SLCO1C1: variants seen among roughly 807,000 people sequenced by gnomAD.
SLCO1C1 encodes the protein solute carrier organic anion transporter family member 1C1.
Under a neutral mutation model 76.4 loss-of-function variants are expected in SLCO1C1, and 70 were observed. That is an observed-to-expected ratio of 0.92 (90% CI 0.76 to 1.12). SLCO1C1 has a LOEUF of 1.12. Ranked by LOEUF, SLCO1C1 falls within the 50% of genes most tolerant of loss-of-function variation. The pLI, the probability that SLCO1C1 is intolerant of heterozygous loss-of-function variation, is 0.00. For synonymous variants in SLCO1C1, 306 were observed against 286.1 expected (o/e 1.07, Z -0.70); for missense variants, 912 against 823.8 (o/e 1.11, Z -1.31).
rs267603411 is a variant in SLCO1C1, at chr12:20,732,924, C to T, written c.1202C>T (p.Pro401Leu). The T allele has an allele frequency of 6.2e-7, 1 of 1,613,888 alleles. No individual in the cohort carries two copies. Among genetic ancestry groups the T allele is most frequent in the Non-Finnish European group, 8.5e-7 (1 of 1,179,908 alleles). Residue 401 changes from proline to leucine, a missense_variant, in exon 10 of 15, where the codon CCA becomes CTA. Coordinates refer to ENST00000266509, the MANE Select transcript of SLCO1C1 (RefSeq NM_017435.5). Reference sequence around the variant, plus strand: ...TGTTTCTCAGGGCTCATCAACATTCCAGCAGTGGCCCTTGGAATATTCTCT... The same window carrying T: ...TGTTTCTCAGGGCTCATCAACATTCTAGCAGTGGCCCTTGGAATATTCTCT... The part of the protein sequence containing the change: ...ANFVIGLINI[P>L]AVALGIFSGG...
chr12:20,725,918 G>A (rs1359192507), intron 9 of SLCO1C1, among the ~76,000 whole-genome samples: 5 of 151,964 alleles, frequency 3.3e-5, no homozygotes, highest in Non-Finnish European at 7.4e-5. Context: ...TTTCTGACAT[G>A]TCATATCTAC....
rs751002830 is a variant in SLCO1C1, at chr12:20,721,885, T to G, written c.857T>G (p.Leu286Arg). ...TATCTAATAGCAGGAATCATAAGTC[T>G]TCTTGCAGCTGTGCCTTTCTGGTAT... is the stretch of plus-strand genomic sequence containing the variant. ...LGYLIAGIIS[L>R]LAAVPFWYLP... Residue 286 changes from leucine (L) to arginine (R), a missense_variant, in exon 8 of 15, where the codon CTT (leucine) becomes CGT (arginine). Coordinates refer to ENST00000266509, the MANE Select transcript of SLCO1C1 (RefSeq NM_017435.5). 1 of 1,614,170 alleles carries G rather than the reference T, an allele frequency of 6.2e-7. No individual in the cohort carries two copies. The highest frequency in any genetic ancestry group is 1.1e-5 in the South Asian group (1 of 91,078).
intron 4 of SLCO1C1, 30 bp from the exon 5 acceptor site, chr12:20,711,356 T>C: frequency 6.2e-7 from 1 of 1,604,996 alleles, no homozygotes; most frequent in Non-Finnish European, 8.5e-7. Context: ...TTAATGAGTC[T>C]ATCATGAAGA....
At chr12:20,740,445 T>G (rs1206399576) in intron 12 of SLCO1C1, 77 bp downstream of exon 12, 2 of 1,333,946 alleles carry the variant, frequency 1.5e-6, no homozygotes, top group African/African-American at 3.0e-5. Flanking sequence ...TTTTTTTCTG[T>G]GGAGTCTATG....
At chr12:20,748,745 C>G (rs1368633881) in intron 13 of SLCO1C1, among the ~76,000 whole-genome samples, 2 of 151,674 alleles carry the variant, frequency 1.3e-5, no homozygotes, top group African/African-American at 4.8e-5. Flanking sequence ...GTAAAATATC[C>G]CAACTATTGG....
Position 20,743,377 on chromosome 12 carries a change from T to C in SLCO1C1, c.1798+8T>C. On this transcript the variant is annotated splice_region_variant and intron_variant, in intron 13 of 14. Coordinates refer to ENST00000266509, the MANE Select transcript of SLCO1C1 (RefSeq NM_017435.5). ...TAGCAATAAGAGTTCTTGGTAAGTT[T>C]AACCTATGCTTTAATTTATGGTAGA... is the stretch of plus-strand genomic sequence containing the variant. The C allele has an allele frequency of 6.2e-7, 1 of 1,605,768 alleles. No homozygotes were observed. Among genetic ancestry groups the C allele is most frequent in the Non-Finnish European group, 8.5e-7 (1 of 1,173,484 alleles).
chr12:20,721,853 G>T lies in SLCO1C1; in HGVS notation c.825G>T (p.Trp275Cys). The T allele has an allele frequency of 6.2e-7, 1 of 1,614,158 alleles. No individual in the cohort carries two copies. The highest frequency in any genetic ancestry group is 8.5e-7 in the Non-Finnish European group (1 of 1,180,014). ...ATCCCCAGTGGGTAGGAGCCTGGTG[G>T]CTTGGCTATCTAATAGCAGGAATCA... ...PKDPQWVGAWWLGYLIAGIIS... is the reference protein window; with the variant it reads ...PKDPQWVGAWCLGYLIAGIIS... Residue 275 changes from tryptophan (W) to cysteine (C), a missense_variant, in exon 8 of 15, where the codon TGG becomes TGT. By Grantham distance (215) the Trp-to-Cys change is radical. Transcript: ENST00000266509.
At chr12:20,743,198 C>T (rs1948899183) in intron 12 of SLCO1C1, 107 bp from the exon 13 acceptor site, 3 of 1,083,938 alleles carry the variant, frequency 2.8e-6, no homozygotes, top group Admixed American at 3.9e-5. Context: ...ATAAATGGCA[C>T]TTGAATTCTA....
chr12:20,715,411 T>C, intron 6 of SLCO1C1, 126 bp downstream of exon 6: 2 of 1,066,684 alleles, frequency 1.9e-6, no homozygotes, highest in Non-Finnish European at 2.7e-6. Flanking sequence ...TTTATTTAGC[T>C]CACACATTTC....
At chr12:20,712,226 A>T (rs140292619) in intron 5 of SLCO1C1, among the ~76,000 whole-genome samples, 1 of 152,324 alleles carries the variant, frequency 6.6e-6, no homozygotes, top group East Asian at 1.9e-4. Flanking sequence ...CAAAGTGTCT[A>T]GTGTTCTAGA....
At chr12:20,709,569 T>A (rs1565505266) in intron 4 of SLCO1C1, among the ~76,000 whole-genome samples, 1 of 151,652 alleles carries the variant, frequency 6.6e-6, no homozygotes, top group African/African-American at 2.4e-5. Context: ...CAATGCTAAA[T>A]GTTCTCATGT....
At chr12:20,711,820 A>G (rs1056469892) in intron 5 of SLCO1C1, among the ~76,000 whole-genome samples, 7 of 152,194 alleles carry the variant, frequency 4.6e-5, no homozygotes, top group African/African-American at 1.7e-4. Context: ...ACAACTCTCA[A>G]TCCATTGCTC....
chr12:20,728,244 A>AGCC (rs1189243449), intron 9 of SLCO1C1, among the ~76,000 whole-genome samples: 1 of 146,714 alleles, frequency 6.8e-6, no homozygotes, highest in Non-Finnish European at 1.6e-5. Flanking sequence ...CTAGCCAGTT[A>AGCC]CCACAGTACC....
chr12:20,712,004 G>A (rs985798920), intron 5 of SLCO1C1, among the ~76,000 whole-genome samples: 4 of 152,120 alleles, frequency 2.6e-5, no homozygotes, highest in African/African-American at 4.8e-5. Flanking sequence ...CAGCTATGGT[G>A]GGAGCTCTTG....
intron 12 of SLCO1C1, 121 bp from the exon 13 acceptor site, chr12:20,743,184 C>A: frequency 1.1e-6 from 1 of 904,080 alleles, no homozygotes; most frequent in Non-Finnish European, 1.7e-6. Flanking sequence ...CCAATGGGTT[C>A]AACATAAATG....
intron 13 of SLCO1C1, 89 bp from the exon 14 acceptor site, chr12:20,750,586 T>C (rs972507): frequency 0.53 from 628,866 of 1,178,532 alleles, 173,405 homozygotes; most frequent in South Asian, 0.63. Context: ...AAAACAGTAA[T>C]TAGATTAAAG....
In SLCO1C1 at chr12:20,752,696, A is replaced by G; in HGVS notation, c.*168A>G. 2.3e-6 allele frequency: 1 copy of G among 427,004 alleles called. No individual in the cohort carries two copies. The highest frequency in any genetic ancestry group is 4.1e-6 in the Non-Finnish European group (1 of 244,146). 26.5% of individuals were successfully genotyped at this position (427,004 alleles called of 1,614,324 possible). ...TATAACTGATAATATACTGAAACAT[A>G]TAATGGAAGATGCAGATGATAAAAC... On this transcript the variant is annotated 3_prime_UTR_variant, in exon 15 of 15. Coordinates refer to ENST00000266509, the MANE Select transcript of SLCO1C1 (RefSeq NM_017435.5).
chr12:20,720,364 C>T (rs1339534188), intron 7 of SLCO1C1, among the ~76,000 whole-genome samples: 1 of 152,130 alleles, frequency 6.6e-6, no homozygotes, highest in Non-Finnish European at 1.5e-5. Flanking sequence ...ACTTTCAAGT[C>T]TTATTATTTA....
intron 9 of SLCO1C1, among the ~76,000 whole-genome samples, chr12:20,724,559 A>T (rs1168271547): frequency 6.8e-6 from 1 of 147,512 alleles, no homozygotes; most frequent in Non-Finnish European, 1.5e-5. Flanking sequence ...CTTTTCCCCA[A>T]AGCTAATAAC....
Sources: allele counts gnomAD v4.1 joint callset (sites outside exome capture counted in the v4.1 genomes callset), GRCh38; gene constraint gnomAD v4.1.1; transcripts MANE v1.5; gene names NCBI Gene and HGNC (gene_info 2026-07-23, HGNC 2026-07-21).